The following ACACA variants were observed in gnomAD, a reference collection of about 807,000 sequenced individuals.
ACACA encodes the protein acetyl-CoA carboxylase alpha.
Under a neutral mutation model 296.1 loss-of-function variants are expected in ACACA, and 103 were observed. The observed-to-expected ratio is 0.35, with a 90% CI of 0.30 to 0.41. The LOEUF is 0.41. Ranked by LOEUF, ACACA falls within the 10% of genes least tolerant of loss-of-function variation. The pLI is 1.00. For synonymous variants in ACACA, 953 were observed against 1,038.6 expected, an observed-to-expected ratio of 0.92 and a Z score of 1.58; for missense variants, 1,554 against 2,989.7, an observed-to-expected ratio of 0.52 and a Z score of 11.20.
intron 52 of ACACA, among the ~76,000 whole-genome samples, chr17:37,099,667 G>A (rs542399211): frequency 6.6e-6 from 1 of 151,626 alleles, no homozygotes; most frequent in Non-Finnish European, 1.5e-5. Context: ...CTGATGGAGG[G>A]AGGGCTGATG....
chr17:37,292,444 A>C (rs965315875), intron 3 of ACACA, among the ~76,000 whole-genome samples: 2 of 151,668 alleles, frequency 1.3e-5, no homozygotes, highest in Non-Finnish European at 2.9e-5. Flanking sequence ...AGAAGTTAAC[A>C]AAAAAAAGGC....
At chr17:37,164,327 C>T (rs566697154) in intron 41 of ACACA, among the ~76,000 whole-genome samples, 2 of 152,330 alleles carry the variant, frequency 1.3e-5, no homozygotes, top group South Asian at 2.1e-4. Flanking sequence ...TCTGAGTACA[C>T]ATTCCTCAAT....
At chr17:37,389,045 C>G (rs1182094808) in intron 1 of ACACA, among the ~76,000 whole-genome samples, 1 of 152,192 alleles carries the variant, frequency 6.6e-6, no homozygotes, top group Non-Finnish European at 1.5e-5. Flanking sequence ...GTGTGAAAGG[C>G]ACCTGGCACA....
chr17:37,223,655 A>G (rs560717904), intron 27 of ACACA, 54 bp from the exon 28 acceptor site: 4 of 1,291,498 alleles, frequency 3.1e-6, no homozygotes, highest in Non-Finnish European at 4.5e-6. Context: ...AACAATTTCA[A>G]TGGACACTAT....
chr17:37,178,668 G>C (rs757838074), intron 41 of ACACA, among the ~76,000 whole-genome samples: 81 of 152,088 alleles, frequency 5.3e-4, no homozygotes, highest in Non-Finnish European at 7.1e-4. Context: ...AAGTGTAGTG[G>C]TGCACACCTG....
intron 2 of ACACA, among the ~76,000 whole-genome samples, chr17:37,331,499 C>A (rs1239265401): frequency 6.6e-6 from 1 of 151,980 alleles, no homozygotes; most frequent in African/African-American, 2.4e-5. Flanking sequence ...ACCTCCGCCT[C>A]CCGGGTTCAA....
chr17:37,132,681 T>G (rs1251179497), intron 45 of ACACA, among the ~76,000 whole-genome samples: 1 of 152,172 alleles, frequency 6.6e-6, no homozygotes, highest in African/African-American at 2.4e-5. Flanking sequence ...AAACACTATT[T>G]TCTTCCTATC....
At chr17:37,367,959 TG>T (rs2049666236) in intron 1 of ACACA, among the ~76,000 whole-genome samples, 1 of 152,080 alleles carries the variant, frequency 6.6e-6, no homozygotes, top group South Asian at 2.1e-4. Context: ...CCTAGCTACT[TG>T]GGAGGCTGAG....
intron 1 of ACACA, among the ~76,000 whole-genome samples, chr17:37,364,585 C>T (rs572016305): frequency 2.1e-3 from 218 of 101,878 alleles, no homozygotes; most frequent in African/African-American, 0.021. Flanking sequence ...AGAGAGACTC[C>T]GTCTCAAAAA....
chr17:37,278,535 T>C (rs1021320244), intron 5 of ACACA, among the ~76,000 whole-genome samples: 1 of 152,222 alleles, frequency 6.6e-6, no homozygotes, highest in African/African-American at 2.4e-5. Flanking sequence ...TAACAGGTAT[T>C]TGTAAGAAAC....
chr17:37,108,443 C>A (rs1464822634), intron 52 of ACACA, among the ~76,000 whole-genome samples: 1 of 151,602 alleles, frequency 6.6e-6, no homozygotes, highest in Non-Finnish European at 1.5e-5. Flanking sequence ...GGCTGGAGTG[C>A]AATGGCGCGA....
At chr17:37,107,004 TGA>T (rs1233435970) in intron 52 of ACACA, among the ~76,000 whole-genome samples, 1 of 152,002 alleles carries the variant, frequency 6.6e-6, no homozygotes, top group Admixed American at 6.5e-5. Flanking sequence ...TGAATCAGTG[TGA>T]GGGGTAGGTT....
At chr17:37,198,452 G>A (rs1256594593) in intron 35 of ACACA, among the ~76,000 whole-genome samples, 1 of 152,140 alleles carries the variant, frequency 6.6e-6, no homozygotes, top group African/African-American at 2.4e-5. Context: ...GCCTGGCTCT[G>A]GCATGTCTAC....
intron 11 of ACACA, among the ~76,000 whole-genome samples, chr17:37,262,988 C>T (rs1364890468): frequency 6.6e-6 from 1 of 152,136 alleles, no homozygotes; most frequent in African/African-American, 2.4e-5. Context: ...CCTTAGCCTC[C>T]CAAAGTGCTA....
chr17:37,125,319 T>C lies in ACACA; in HGVS notation c.6041+379A>G, dbSNP rs116520431. On this transcript the variant is annotated intron_variant, in intron 48 of 55. Coordinates refer to ENST00000616317, the MANE Select transcript of ACACA (RefSeq NM_198834.3). ...CACGAAGAACCTCTTTCCAGTTACA[T>C]AGAAAAGCAGATGAGTCTCTGAATC... 8.4e-3 allele frequency among the ~76,000 whole-genome samples: 1,285 copies of C among 152,192 alleles called. 14 individuals are homozygous for C. Among genetic ancestry groups the C allele is most frequent in the African/African-American group, 0.03 (1,227 of 41,508 alleles).
intron 3 of ACACA, among the ~76,000 whole-genome samples, chr17:37,317,071 GAA>G (rs755136838): frequency 3.3e-5 from 3 of 91,994 alleles, no homozygotes; most frequent in Non-Finnish European, 4.5e-5. Flanking sequence ...CCCTGTCACA[GAA>G]AAAAAAAAAA....
chr17:37,173,375 C>T (rs898774076), intron 41 of ACACA, among the ~76,000 whole-genome samples: 1 of 152,154 alleles, frequency 6.6e-6, no homozygotes, highest in Non-Finnish European at 1.5e-5. Context: ...GAGGTCCAGC[C>T]TAAGAACTGT....
chr17:37,376,564 G>C (rs1568073061), intron 1 of ACACA, among the ~76,000 whole-genome samples: 1 of 152,128 alleles, frequency 6.6e-6, no homozygotes, highest in Non-Finnish European at 1.5e-5. Context: ...TGAGGGAAAG[G>C]GTGATATTGG....
At chr17:37,143,590 C>T (rs1265780609) in intron 45 of ACACA, 3 of 734,230 alleles carry the variant, frequency 4.1e-6, no homozygotes, top group African/African-American at 3.5e-5. Context: ...CACAGCCTTA[C>T]ATTTCAATTT....
Sources: allele counts gnomAD v4.1 joint callset (sites outside exome capture counted in the v4.1 genomes callset), GRCh38; gene constraint gnomAD v4.1.1; transcripts MANE v1.5; gene names NCBI Gene and HGNC (gene_info 2026-07-23, HGNC 2026-07-21).